Variants in NRG3 observed in about 807,000 individuals in gnomAD.
NRG3 encodes pro-neuregulin-3, membrane-bound isoform.
A neutral mutation model predicts 66.9 loss-of-function variants in NRG3; 31 were observed. The observed-to-expected ratio is 0.46, with a 90% CI of 0.35 to 0.63. The LOEUF (loss-of-function observed/expected upper bound fraction) is 0.63, where lower values mean the gene tolerates loss of function less well. NRG3 is among the 20% of genes least tolerant of loss of function. NRG3 has a pLI of 0.00. For synonymous variants in NRG3, 393 were observed against 359.4 expected (o/e 1.09, Z -1.06); for missense variants, 910 against 878.9 (o/e 1.04, Z -0.45).
At chr10:82,432,495 T>TAAA (rs532419949) in intron 2 of NRG3, among the ~76,000 whole-genome samples, 346 of 117,992 alleles carry the variant, frequency 2.9e-3, no homozygotes, top group African/African-American at 8.3e-3. Flanking sequence ...GTATTTCTTC[T>TAAA]AAAAAAAAAA....
intron 1 of NRG3, among the ~76,000 whole-genome samples, chr10:82,352,230 GAT>G (rs2083480867): frequency 6.6e-6 from 1 of 152,134 alleles, no homozygotes; most frequent in Non-Finnish European, 1.5e-5. Flanking sequence ...CACATACACA[GAT>G]ATATAACATG....
chr10:81,973,224 T>G (rs1237981540), intron 1 of NRG3, among the ~76,000 whole-genome samples: 1 of 152,208 alleles, frequency 6.6e-6, no homozygotes, highest in Non-Finnish European at 1.5e-5. Context: ...TCCATGTCCC[T>G]GCAAAGGACA....
chr10:82,355,012 A>G (rs2083685458), intron 1 of NRG3, among the ~76,000 whole-genome samples: 1 of 152,234 alleles, frequency 6.6e-6, no homozygotes, highest in Non-Finnish European at 1.5e-5. Flanking sequence ...ATAACAAATT[A>G]TTTACCAAAT....
intron 2 of NRG3, among the ~76,000 whole-genome samples, chr10:82,586,373 G>A (rs111543402): frequency 2.6e-5 from 4 of 152,076 alleles, no homozygotes; most frequent in African/African-American, 7.2e-5. Context: ...CATCAAAACC[G>A]TATTCCCAAA....
chr10:82,718,014 GT>G (rs2057079594), intron 2 of NRG3, among the ~76,000 whole-genome samples: 2 of 152,176 alleles, frequency 1.3e-5, no homozygotes, highest in African/African-American at 4.8e-5. Context: ...ACTGACTCCA[GT>G]TATTCTATTC....
intron 1 of NRG3, among the ~76,000 whole-genome samples, chr10:81,911,722 C>T (rs541592070): frequency 1.2e-4 from 17 of 138,376 alleles, no homozygotes; most frequent in African/African-American, 4.8e-4. Context: ...AACCTTTCCC[C>T]GTTACCACAC....
At chr10:82,725,853 A>G (rs187679408) in intron 2 of NRG3, among the ~76,000 whole-genome samples, 2 of 152,270 alleles carry the variant, frequency 1.3e-5, no homozygotes, top group East Asian at 1.9e-4. Context: ...TGTAGATATT[A>G]CGTTCCCCTA....
chr10:82,709,382 T>G (rs2056517885), intron 2 of NRG3, among the ~76,000 whole-genome samples: 1 of 151,854 alleles, frequency 6.6e-6, no homozygotes. Flanking sequence ...GTTTTTTGTT[T>G]GTTTGTTTGT....
chr10:82,906,290 G>A (rs1056952334), intron 4 of NRG3, among the ~76,000 whole-genome samples: 3 of 152,128 alleles, frequency 2.0e-5, no homozygotes, highest in African/African-American at 7.2e-5. Context: ...GGGGTTTGAG[G>A]CTTCACACGT....
chr10:82,122,301 T>A (rs184169080), intron 1 of NRG3, among the ~76,000 whole-genome samples: 3 of 152,310 alleles, frequency 2.0e-5, no homozygotes. Flanking sequence ...AATCCCATCA[T>A]TTTAGCCAAG....
chr10:82,626,644 A>C (rs946974288), intron 2 of NRG3, among the ~76,000 whole-genome samples: 14 of 152,124 alleles, frequency 9.2e-5, no homozygotes, highest in African/African-American at 3.4e-4. Flanking sequence ...TATTACAACT[A>C]ATTTTTTCTT....
At chr10:82,490,701 T>C (rs2132242432) in intron 2 of NRG3, among the ~76,000 whole-genome samples, 1 of 152,266 alleles carries the variant, frequency 6.6e-6, no homozygotes, top group South Asian at 2.1e-4. Flanking sequence ...CTAACAGATA[T>C]TTAAGACAAT....
At chr10:82,251,925 G>A (rs1254357329) in intron 1 of NRG3, among the ~76,000 whole-genome samples, 2 of 77,488 alleles carry the variant, frequency 2.6e-5, no homozygotes, top group East Asian at 4.1e-4. Context: ...AGGCCCCTGA[G>A]CAATGGTGTG....
intron 8 of NRG3, 79 bp downstream of exon 8, chr10:82,979,199 G>A (rs1394220811): frequency 1.4e-6 from 2 of 1,424,128 alleles, no homozygotes; most frequent in Admixed American, 1.9e-5. Context: ...AAGTTCCTTG[G>A]GGTTTTATTC....
chr10:82,028,621 G>A (rs995886112), intron 1 of NRG3, among the ~76,000 whole-genome samples: 1 of 151,992 alleles, frequency 6.6e-6, no homozygotes, highest in Non-Finnish European at 1.5e-5. Flanking sequence ...GTTCCACAGT[G>A]CAAAGCAACA....
intron 2 of NRG3, among the ~76,000 whole-genome samples, chr10:82,391,021 A>G (rs570459035): frequency 2.0e-4 from 31 of 152,310 alleles, no homozygotes; most frequent in African/African-American, 7.2e-4. Context: ...GATTTTGAAT[A>G]GTGTGGGTGT....
chr10:82,095,201 G>A (rs535224098), intron 1 of NRG3, among the ~76,000 whole-genome samples: 2 of 152,038 alleles, frequency 1.3e-5, no homozygotes, highest in African/African-American at 4.8e-5. Flanking sequence ...GAGCTTGTGA[G>A]GTTTTTAATA....
rs141757648 is a variant in NRG3, at chr10:82,643,210, C to T, written c.954-95367C>T. Among the ~76,000 whole-genome samples the T allele has an allele frequency of 1.8e-4, 28 of 152,168 alleles. No homozygotes were observed. The East Asian group carries it at 2.9e-3, about 16-fold the overall frequency. On this transcript the variant is annotated intron_variant, in intron 2 of 8. Coordinates refer to ENST00000372141, the MANE Select transcript of NRG3 (RefSeq NM_001010848.4). ...ATTCCCACATGTTGCCAGAGGGACC[C>T]AGTGAAAGATAATTGAATCATGGTC... is the stretch of plus-strand genomic sequence containing the variant.
chr10:82,980,654 A>G (rs1388765658), intron 8 of NRG3, among the ~76,000 whole-genome samples: 1 of 152,216 alleles, frequency 6.6e-6, no homozygotes, highest in Non-Finnish European at 1.5e-5. Context: ...AGATTTCTTA[A>G]GGAAAACTGG....
Sources: allele counts gnomAD v4.1 joint callset (sites outside exome capture counted in the v4.1 genomes callset), GRCh38; gene constraint gnomAD v4.1.1; transcripts MANE v1.5; gene names NCBI Gene and HGNC (gene_info 2026-07-23, HGNC 2026-07-21).